Variants in ZYG11B observed in about 807,000 individuals in gnomAD.
ZYG11B encodes the protein zyg-11 family member B, cell cycle regulator.
In ZYG11B, 36 loss-of-function variants were observed where a neutral mutation model predicts 82.4. That is an observed-to-expected ratio of 0.44 (90% CI 0.33 to 0.58). ZYG11B has a LOEUF of 0.58. Among genes scored for constraint, ZYG11B ranks in the 20% least tolerant of loss-of-function variants. ZYG11B has a pLI of 0.02. For synonymous variants in ZYG11B, 303 were observed against 312.8 expected (o/e 0.97, Z 0.33); for missense variants, 552 against 895.6 (o/e 0.62, Z 4.90).
chr1:52,742,698 C>T (rs931277000), intron 1 of ZYG11B, among the ~76,000 whole-genome samples: 6 of 151,774 alleles, frequency 4.0e-5, no homozygotes, highest in Non-Finnish European at 7.4e-5. Context: ...AAAAATTAGC[C>T]GGGCGTGGTT....
chr1:52,751,986 G>A (rs1221413730), intron 1 of ZYG11B, among the ~76,000 whole-genome samples: 1 of 151,304 alleles, frequency 6.6e-6, no homozygotes, highest in Non-Finnish European at 1.5e-5. Flanking sequence ...TCCCTATACG[G>A]AGCAATTCTC....
At chr1:52,773,319 C>G (rs142423387) in intron 3 of ZYG11B, among the ~76,000 whole-genome samples, 2 of 151,082 alleles carry the variant, frequency 1.3e-5, no homozygotes, top group African/African-American at 2.4e-5. Context: ...ACTAAAAATA[C>G]AAAAATTAGC....
chr1:52,793,721 A>G (rs974125214), intron 6 of ZYG11B, among the ~76,000 whole-genome samples: 2 of 152,202 alleles, frequency 1.3e-5, no homozygotes, highest in Non-Finnish European at 2.9e-5. Context: ...TGTGAAGACT[A>G]ATGAACAATC....
intron 10 of ZYG11B, among the ~76,000 whole-genome samples, chr1:52,811,217 T>C (rs1055949790): frequency 6.6e-6 from 1 of 152,196 alleles, no homozygotes; most frequent in African/African-American, 2.4e-5. Context: ...TGGTTGGCTA[T>C]TGAAGTCTAA....
rs1257005324 is a variant in ZYG11B, at chr1:52,825,224, T to A, written c.*3595T>A. 6.6e-6 allele frequency: 1 copy of A among 152,188 alleles called. No individual in the cohort carries two copies. The highest frequency in any genetic ancestry group is 2.4e-5 in the African/African-American group (1 of 41,432). 9.4% of individuals were successfully genotyped at this position (152,188 alleles called of 1,614,324 possible). On this transcript the variant is annotated 3_prime_UTR_variant, in exon 14 of 14. Coordinates refer to ENST00000294353, the MANE Select transcript of ZYG11B (RefSeq NM_024646.3). ...TGGTCTTTCTACTCCACAAAATAATTTTTTCTTTTTGCAGTTGAAAATTAA... is the reference window on the plus strand; with the variant it reads ...TGGTCTTTCTACTCCACAAAATAATATTTTCTTTTTGCAGTTGAAAATTAA...
chr1:52,802,340 C>CTTTTTTTTTT (rs397980205), intron 10 of ZYG11B, among the ~76,000 whole-genome samples: 3 of 78,072 alleles, frequency 3.8e-5, no homozygotes, highest in Non-Finnish European at 7.0e-5. Flanking sequence ...TTCTTTCTCT[C>CTTTTTTTTTT]TTTTTTTTTT....
chr1:52,794,743 A>G (rs540069710), intron 6 of ZYG11B, among the ~76,000 whole-genome samples: 9 of 152,318 alleles, frequency 5.9e-5, no homozygotes, highest in East Asian at 1.9e-4. Flanking sequence ...AATCAGATGT[A>G]TTCCTTGACC....
At chr1:52,802,947 GA>G (rs1645089854) in intron 10 of ZYG11B, among the ~76,000 whole-genome samples, 1 of 150,470 alleles carries the variant, frequency 6.6e-6, no homozygotes. Context: ...TTGAACCCAG[GA>G]GGTGGAGATT....
intron 3 of ZYG11B, among the ~76,000 whole-genome samples, chr1:52,777,188 C>T (rs982454329): frequency 1.3e-5 from 2 of 151,038 alleles, no homozygotes; most frequent in African/African-American, 2.4e-5. Flanking sequence ...CCAGTCTGGG[C>T]GACAGAGCAA....
rs74081229 is a variant in ZYG11B at position 52,752,268 on chromosome 1, A to G, written c.31-4190A>G. Among the ~76,000 whole-genome samples the G allele has an allele frequency of 9.5e-4, 144 of 152,304 alleles. 1 individual carries two copies. The highest frequency in any genetic ancestry group is 3.1e-3 in the African/African-American group (128 of 41,556). Reference sequence around the variant, plus strand: ...TTTTACTTACTTTAATACAAAGGATATTTTAAAGGATACAAATGAACAGCC... The same window carrying G: ...TTTTACTTACTTTAATACAAAGGATGTTTTAAAGGATACAAATGAACAGCC... On this transcript the variant is annotated intron_variant, in intron 1 of 13. Transcript: ENST00000294353.
At chr1:52,801,529 A>T (rs1369286430) in intron 8 of ZYG11B, among the ~76,000 whole-genome samples, 2 of 105,210 alleles carry the variant, frequency 1.9e-5, no homozygotes, top group Non-Finnish European at 3.4e-5. Context: ...TAAAATAAGT[A>T]TATGCTGTGA....
intron 1 of ZYG11B, among the ~76,000 whole-genome samples, chr1:52,753,408 T>G (rs1477041795): frequency 7.0e-6 from 1 of 143,000 alleles, no homozygotes; most frequent in Non-Finnish European, 1.5e-5. Flanking sequence ...TTCTTCTGGT[T>G]GTTGTTGTTG....
In ZYG11B at chr1:52,824,711, G is replaced by A. The variant is rs1317901957; in HGVS notation, c.*3082G>A. 3 of 152,014 alleles carry A rather than the reference G, an allele frequency of 2.0e-5. No individual in the cohort carries two copies. Among genetic ancestry groups the A allele is most frequent in the Non-Finnish European group, 4.4e-5 (3 of 68,022 alleles). The allele number at this position is 152,014 out of a possible 1,614,324, so 9.4% of individuals were successfully genotyped here. ...ATTTGAGTGCCTTTGCAGTTGGGATGGTTCCTAAAATTGCGTATAGAATTA... is the reference window on the plus strand; with the variant it reads ...ATTTGAGTGCCTTTGCAGTTGGGATAGTTCCTAAAATTGCGTATAGAATTA... On this transcript the variant is annotated 3_prime_UTR_variant, in exon 14 of 14. Transcript: ENST00000294353.
In ZYG11B at chr1:52,813,593, GACC is replaced by G; in HGVS notation, c.1756_1758del (p.His586del). ...TGAATTAATGTGGAAAGATTTTATA[GACC>G]ACATCAGTAGTCTCCTACACAGTGT... is the stretch of plus-strand genomic sequence containing the variant. On this transcript the variant is annotated inframe_deletion, in exon 11 of 14. Coordinates refer to ENST00000294353, the MANE Select transcript of ZYG11B (RefSeq NM_024646.3). 1 of 1,613,564 alleles carries G rather than the reference GACC, an allele frequency of 6.2e-7. No homozygotes were observed. The highest frequency in any genetic ancestry group is 8.5e-7 in the Non-Finnish European group (1 of 1,179,774).
intron 8 of ZYG11B, 38 bp downstream of exon 8, chr1:52,796,822 T>G (rs1571785890): frequency 1.9e-5 from 25 of 1,323,552 alleles, no homozygotes; most frequent in Non-Finnish European, 2.5e-5. Context: ...CCACTAGATA[T>G]TCATGTTTAT....
At chr1:52,783,610 CTTTTTTT>C (rs1156857504) in intron 4 of ZYG11B, among the ~76,000 whole-genome samples, 4 of 131,550 alleles carry the variant, frequency 3.0e-5, no homozygotes, top group South Asian at 2.4e-4. Context: ...TTCTTTCTTT[CTTTTTTT>C]TTTTTTTTTT....
chr1:52,780,623 G>A (rs1644847561), intron 4 of ZYG11B, among the ~76,000 whole-genome samples: 1 of 152,098 alleles, frequency 6.6e-6, no homozygotes, highest in African/African-American at 2.4e-5. Flanking sequence ...ATTAAGTTTT[G>A]TTTTGTTTTT....
At chr1:52,770,839 T>C (rs1377750143) in intron 2 of ZYG11B, among the ~76,000 whole-genome samples, 181 bp from the exon 3 acceptor site, 1 of 152,192 alleles carries the variant, frequency 6.6e-6, no homozygotes, top group Non-Finnish European at 1.5e-5. Context: ...GGAAAGCCAC[T>C]CTCTGAGCCC....
intron 2 of ZYG11B, among the ~76,000 whole-genome samples, chr1:52,768,912 A>G (rs1272262531): frequency 3.9e-5 from 6 of 152,148 alleles, no homozygotes; most frequent in Admixed American, 3.9e-4. Context: ...TCCTTTCTCT[A>G]TCTTTGAATT....
Sources: gnomAD v4.1 joint callset for allele counts (sites outside exome capture counted in the v4.1 genomes callset) on GRCh38, gnomAD v4.1.1 for gene constraint, MANE v1.5 for transcripts, NCBI Gene and HGNC (gene_info 2026-07-23, HGNC 2026-07-21) for gene names.